TAS2R1: variants seen among roughly 807,000 people sequenced by gnomAD.
TAS2R1 encodes taste 2 receptor member 1, also known as taste receptor type 2 member 1.
For synonymous variants in TAS2R1, 141 were observed against 134.2 expected, an observed-to-expected ratio of 1.05 and a Z score of -0.35; for missense variants, 370 against 353.4, an observed-to-expected ratio of 1.05 and a Z score of -0.38.
rs573802673 is a variant in TAS2R1 at position 9,652,702 on chromosome 5, T to C, written c.-81+6719A>G. 1.5e-3 allele frequency among the ~76,000 whole-genome samples: 222 copies of C among 152,330 alleles called. 1 individual carries two copies. The highest frequency in any genetic ancestry group is 5.0e-3 in the South Asian group (24 of 4,826). On this transcript the variant is annotated intron_variant, in intron 2 of 2. Coordinates refer to the TAS2R1 transcript ENST00000506620. Reference sequence around the variant, plus strand: ...CCCTGACAAATAAAATGAACTTTAATGGTTTTTCAGAATCTGTTGCATTTC... The same window carrying C: ...CCCTGACAAATAAAATGAACTTTAACGGTTTTTCAGAATCTGTTGCATTTC...
the TAS2R1 span, among the ~76,000 whole-genome samples, chr5:9,842,976 T>C: frequency 1.3e-5 from 2 of 152,248 alleles, no homozygotes; most frequent in African/African-American, 2.4e-5. Flanking sequence ...GCCATGCTCA[T>C]TTATAAGAAT....
chr5:9,773,040 C>T, the TAS2R1 span, among the ~76,000 whole-genome samples: 71 of 152,138 alleles, frequency 4.7e-4, no homozygotes, highest in African/African-American at 1.6e-3. Context: ...TATACTCCTG[C>T]CACTTTGTTA....
At chr5:9,851,874 A>C in the TAS2R1 span, among the ~76,000 whole-genome samples, 1 of 152,200 alleles carries the variant, frequency 6.6e-6, no homozygotes, top group African/African-American at 2.4e-5. Context: ...TGTAGATAGA[A>C]TCTATCCAGT....
upstream of TAS2R1, among the ~76,000 whole-genome samples, chr5:9,712,673 T>C (rs1734711612): frequency 6.6e-6 from 1 of 152,314 alleles, no homozygotes; most frequent in Non-Finnish European, 1.5e-5. Flanking sequence ...ACAGATTTTG[T>C]TCAGCACGCA....
the TAS2R1 span, among the ~76,000 whole-genome samples, chr5:9,774,109 A>G: frequency 1.3e-4 from 20 of 152,112 alleles, no homozygotes; most frequent in South Asian, 4.1e-3. Flanking sequence ...ATTCTTTCTT[A>G]CTCTGCTTTC....
the TAS2R1 span, among the ~76,000 whole-genome samples, chr5:9,719,839 A>C: frequency 6.7e-6 from 1 of 148,550 alleles, no homozygotes; most frequent in African/African-American, 2.5e-5. Context: ...AATGGCGTCA[A>C]CCTGGGAGGC....
At chr5:9,769,859 TG>T in the TAS2R1 span, among the ~76,000 whole-genome samples, 101 of 152,330 alleles carry the variant, frequency 6.6e-4, 1 homozygote, top group African/African-American at 2.3e-3. Context: ...TCCCATTCTA[TG>T]GATTATCTCT....
the TAS2R1 span, among the ~76,000 whole-genome samples, chr5:9,774,083 C>A: frequency 6.6e-6 from 1 of 152,186 alleles, no homozygotes; most frequent in Non-Finnish European, 1.5e-5. Flanking sequence ...TTTTCTAAAT[C>A]TTTCAGGCAT....
At chr5:9,752,514 T>G in the TAS2R1 span, among the ~76,000 whole-genome samples, 1 of 151,632 alleles carries the variant, frequency 6.6e-6, no homozygotes, top group East Asian at 1.9e-4. Flanking sequence ...TTTTTATGCA[T>G]GAATGAAGAA....
chr5:9,646,319 A>C (rs1231922011), intron 2 of TAS2R1, among the ~76,000 whole-genome samples: 3 of 152,190 alleles, frequency 2.0e-5, no homozygotes, highest in Non-Finnish European at 2.9e-5. Context: ...TAAGGTTACC[A>C]TATGGGCATC....
the TAS2R1 span, among the ~76,000 whole-genome samples, chr5:9,768,075 G>T: frequency 3.3e-5 from 5 of 152,196 alleles, no homozygotes; most frequent in South Asian, 1.0e-3. Flanking sequence ...TGCATCTGCT[G>T]TCAGGAGCCT....
the TAS2R1 span, among the ~76,000 whole-genome samples, chr5:9,811,310 C>T: frequency 6.6e-6 from 1 of 152,126 alleles, no homozygotes; most frequent in African/African-American, 2.4e-5. Flanking sequence ...ATCTCTGTTG[C>T]TTATAAACCA....
At chr5:9,846,683 GCA>G in the TAS2R1 span, among the ~76,000 whole-genome samples, 52,390 of 151,356 alleles carry the variant, frequency 0.35, 9,224 homozygotes, top group South Asian at 0.39. Context: ...CACACACATT[GCA>G]CACACACACA....
chr5:9,902,820 T>C, the TAS2R1 span: 2 of 151,842 alleles, frequency 1.3e-5, no homozygotes, highest in Non-Finnish European at 2.9e-5. Context: ...CTCACCACCT[T>C]TGAAAATTTT....
At chr5:9,760,060 A>T in the TAS2R1 span, among the ~76,000 whole-genome samples, 1 of 152,244 alleles carries the variant, frequency 6.6e-6, no homozygotes, top group Non-Finnish European at 1.5e-5. Flanking sequence ...AAGGCTAATT[A>T]AAAATACCAG....
the TAS2R1 span, among the ~76,000 whole-genome samples, chr5:9,841,881 C>T: frequency 6.6e-6 from 1 of 152,196 alleles, no homozygotes; most frequent in Non-Finnish European, 1.5e-5. Context: ...GTGTAGCATT[C>T]ATCTGAGCTA....
chr5:9,713,424 C>A (rs1734737993), upstream of TAS2R1, among the ~76,000 whole-genome samples: 1 of 152,082 alleles, frequency 6.6e-6, no homozygotes, highest in Non-Finnish European at 1.5e-5. Context: ...TCATTTCAGG[C>A]ACAGCTTTTG....
rs143940203 is a variant in TAS2R1 at position 9,635,631 on chromosome 5, G to A, written c.-80-5639C>T. On this transcript the variant is annotated intron_variant, in intron 2 of 2. Transcript: ENST00000506620. ...TACTACTGTTTCAATCTTGCCACTT[G>A]TTATTTGTCTGTTCAGTTTCTATTT... Among the ~76,000 whole-genome samples the A allele has an allele frequency of 2.1e-4, 32 of 151,630 alleles. 1 individual carries two copies. The East Asian group carries it at 6.0e-3, about 28-fold the overall frequency.
At chr5:9,646,661 C>T (rs943470552) in intron 2 of TAS2R1, among the ~76,000 whole-genome samples, 2 of 152,164 alleles carry the variant, frequency 1.3e-5, no homozygotes, top group Non-Finnish European at 2.9e-5. Flanking sequence ...TGCCCTGGGT[C>T]TTGCTGCTGC....
Sources: gnomAD v4.1 joint callset for allele counts (sites outside exome capture counted in the v4.1 genomes callset) on GRCh38, gnomAD v4.1.1 for gene constraint, MANE v1.5 for transcripts, NCBI Gene and HGNC (gene_info 2026-07-23, HGNC 2026-07-21) for gene names.